Variants in VIRMA observed in about 807,000 individuals in gnomAD.
VIRMA encodes protein virilizer homolog.
In VIRMA, 65 loss-of-function variants were observed where a neutral mutation model predicts 182.4. The ratio of observed to expected loss-of-function variants is 0.36; its 90% confidence interval spans 0.29 to 0.44. VIRMA has a LOEUF of 0.44. VIRMA is among the 20% of genes least tolerant of loss of function. The probability of loss-of-function intolerance (pLI) is 1.00; values close to 1 mark genes in which losing one functional copy is unlikely to be tolerated. For synonymous variants in VIRMA, 709 were observed against 743.1 expected (o/e 0.95, Z 0.75); for missense variants, 1,752 against 2,158.1 (o/e 0.81, Z 3.73).
At chr8:94,495,924 C>G (rs370520816) in intron 18 of VIRMA, 33 bp from the exon 19 acceptor site, 9 of 1,591,714 alleles carry the variant, frequency 5.7e-6, no homozygotes, top group Non-Finnish European at 7.7e-6. Context: ...TAAGAAGGTG[C>G]AGGTAAAACT....
chr8:94,551,987 T>C (rs528849247), intron 1 of VIRMA, among the ~76,000 whole-genome samples: 1 of 152,190 alleles, frequency 6.6e-6, no homozygotes, highest in East Asian at 1.9e-4. Flanking sequence ...TCCCAAAACG[T>C]TGAGATTACA....
rs777887809 is a variant in VIRMA, at chr8:94,496,405, C to T, written c.4306G>A (p.Ala1436Thr). The T allele has an allele frequency of 6.2e-7, 1 of 1,613,460 alleles. No homozygotes were observed. The change falls in exon 18 of 24, where the codon GCA becomes ACA. Residue 1436 changes from alanine (A) to threonine (T), a missense_variant. Physicochemically the swap from Ala to Thr is moderately conservative, Grantham distance 58. Transcript: ENST00000297591. Reference protein sequence around the residue: ...HTSRTMSINAAELKQLLQSKE... With the variant: ...HTSRTMSINATELKQLLQSKE... ...CTTTGTAGAAGCTGTTTTAACTCTGCAGCATTAATACTCATCGTCCGTGAT... is the reference window on the plus strand; with the variant it reads ...CTTTGTAGAAGCTGTTTTAACTCTGTAGCATTAATACTCATCGTCCGTGAT...
intron 15 of VIRMA, among the ~76,000 whole-genome samples, chr8:94,509,341 G>A (rs896479336): frequency 1.3e-5 from 2 of 151,638 alleles, no homozygotes; most frequent in Non-Finnish European, 2.9e-5. Context: ...GGCAGAGGCT[G>A]CAGTGAGCTG....
chr8:94,519,865 C>T (rs1255048634), intron 8 of VIRMA, among the ~76,000 whole-genome samples: 3 of 152,020 alleles, frequency 2.0e-5, no homozygotes, highest in Non-Finnish European at 2.9e-5. Flanking sequence ...GTCAGCACTC[C>T]GCATCTGCAT....
intron 2 of VIRMA, among the ~76,000 whole-genome samples, chr8:94,541,118 ATTG>A (rs780974572): frequency 7.3e-5 from 11 of 150,320 alleles, no homozygotes; most frequent in Non-Finnish European, 1.0e-4. Context: ...TATAATTATT[ATTG>A]TTATTACTTT....
At chr8:94,544,464 A>G (rs780867568) in intron 1 of VIRMA, among the ~76,000 whole-genome samples, 1 of 151,812 alleles carries the variant, frequency 6.6e-6, no homozygotes, top group Non-Finnish European at 1.5e-5. Context: ...CGAGGTCAGG[A>G]GATTGAGACC....
chr8:94,504,162 A>G (rs1335468243), intron 16 of VIRMA, among the ~76,000 whole-genome samples: 1 of 151,798 alleles, frequency 6.6e-6, no homozygotes, highest in African/African-American at 2.4e-5. Flanking sequence ...CGATAGAGCA[A>G]GACTCCATCT....
rs890075505 is a variant in VIRMA, at chr8:94,506,496, T to C, written c.4097+4A>G. On this transcript the variant is annotated splice_donor_region_variant and intron_variant, in intron 16 of 23. Transcript: ENST00000297591. ...AGAGTATATTAAATTAGACAAATCA[T>C]TACCTTTTTAAATGAAATAATCCAT... 27 of 1,577,876 alleles carry C rather than the reference T, an allele frequency of 1.7e-5. No individual in the cohort carries two copies. The highest frequency in any genetic ancestry group is 2.2e-5 in the Non-Finnish European group (25 of 1,150,428).
rs189502005 is a variant in VIRMA, at chr8:94,517,754, T to C, written c.2668+34A>G. The C allele has an allele frequency of 1.7e-4, 249 of 1,489,740 alleles. 3 individuals are homozygous for C. The East Asian group carries it at 4.0e-3, about 24-fold the overall frequency. The allele number at this position is 1,489,740 out of a possible 1,614,324, so 92.3% of individuals were successfully genotyped here. ...ATTCAAAGGTTTGTTCCTTCACATA[T>C]TACAAATGCTTAAAATAACTTTAAG... On this transcript the variant is annotated intron_variant, in intron 10 of 23. Transcript: ENST00000297591.
Position 94,552,472 on chromosome 8 carries a change from G to A in VIRMA, c.63+913C>T, listed in dbSNP as rs945009887. 4.6e-5 allele frequency among the ~76,000 whole-genome samples: 7 copies of A among 151,832 alleles called. No homozygotes were observed. The East Asian group carries it at 9.7e-4, about 21-fold the overall frequency. On this transcript the variant is annotated intron_variant, in intron 1 of 23. Coordinates refer to ENST00000297591, the MANE Select transcript of VIRMA (RefSeq NM_015496.5). ...TGTCCTCAAAAAGCTTGATACAAGA[G>A]CACACTTGATAAAAATAAAAGGAAA...
chr8:94,543,678 T>C (rs1168548897), intron 2 of VIRMA, 149 bp downstream of exon 2: 5 of 531,656 alleles, frequency 9.4e-6, no homozygotes, highest in Non-Finnish European at 1.0e-5. Flanking sequence ...ACAGAAAATA[T>C]AGAGCCAATT....
At chr8:94,511,870 CTTTAA>C (rs1036833579) in intron 12 of VIRMA, 121 bp downstream of exon 12, 55 of 666,484 alleles carry the variant, frequency 8.3e-5, no homozygotes, top group African/African-American at 4.9e-4. Context: ...TATTTAATTA[CTTTAA>C]TTTAAAATGA....
At position 94,495,737 on chromosome 8, in the gene VIRMA, T is replaced by C. The variant is rs1813751778; in HGVS notation, c.4538A>G (p.Asn1513Ser). Residue 1513 changes from asparagine (N) to serine (S), a missense_variant, in exon 19 of 24, where the codon AAC becomes AGC. Coordinates refer to ENST00000297591, the MANE Select transcript of VIRMA (RefSeq NM_015496.5). ...SAPESLQNLF[N>S]NRTAYVLADV... ...AAAACATTGTGTATTTTACCTATTGTTAAACAGATTCTGAAGAGATTCTGG... is the reference window on the plus strand; with the variant it reads ...AAAACATTGTGTATTTTACCTATTGCTAAACAGATTCTGAAGAGATTCTGG... 4 of 1,612,864 alleles carry C rather than the reference T, an allele frequency of 2.5e-6. No homozygotes were observed. The highest frequency in any genetic ancestry group is 3.4e-6 in the Non-Finnish European group (4 of 1,179,538).
rs10087221 is a variant in VIRMA at position 94,514,850 on chromosome 8, T to G, written c.2751+19A>C. The G allele has an allele frequency of 0.043, 59,357 of 1,375,250 alleles. 1,481 individuals are homozygous for G. The highest frequency in any genetic ancestry group is 0.048 in the Non-Finnish European group (47,558 of 981,568). The allele number at this position is 1,375,250 out of a possible 1,614,324, so 85.2% of individuals were successfully genotyped here. On this transcript the variant is annotated intron_variant, in intron 11 of 23. Coordinates refer to ENST00000297591, the MANE Select transcript of VIRMA (RefSeq NM_015496.5). ...ACACAGTTTCAAAAAGTCAAAGCAC[T>G]TTTAAGTTTTACACTTACCTGCTTA...
intron 11 of VIRMA, among the ~76,000 whole-genome samples, chr8:94,512,811 A>G (rs1211746672): frequency 1.3e-5 from 2 of 152,152 alleles, no homozygotes; most frequent in Non-Finnish European, 2.9e-5. Flanking sequence ...TTTGAGTACT[A>G]AACTTCATTC....
Position 94,527,054 on chromosome 8 carries a change from C to A in VIRMA, c.1190G>T (p.Gly397Val). ...ELLDLYREDR[G>V]AKWVTALEEI... ...TTCTAAAGCTGTTACCCATTTTGCA[C>A]CTCTATCTTCTCTATACAAATCTAA... Residue 397 changes from glycine (G) to valine (V), a missense_variant, in exon 8 of 24, where the codon GGT (glycine) becomes GTT (valine). Transcript: ENST00000297591. 6.2e-7 allele frequency: 1 copy of A among 1,614,144 alleles called. No homozygotes were observed. The highest frequency in any genetic ancestry group is 8.5e-7 in the Non-Finnish European group (1 of 1,180,010).
At chr8:94,548,661 A>G (rs899633586) in intron 1 of VIRMA, among the ~76,000 whole-genome samples, 1 of 144,450 alleles carries the variant, frequency 6.9e-6, no homozygotes, top group African/African-American at 2.9e-5. Context: ...TTTATTATTT[A>G]TTTATTTATT....
intron 1 of VIRMA, among the ~76,000 whole-genome samples, chr8:94,549,563 T>C (rs564679247): frequency 1.3e-5 from 2 of 152,354 alleles, no homozygotes; most frequent in Non-Finnish European, 2.9e-5. Flanking sequence ...CATTTTTAAC[T>C]ACCCTATCTC....
At position 94,553,438 on chromosome 8, in the gene VIRMA, C is replaced by G. The variant is rs1417202960; in HGVS notation, c.10G>C (p.Asp4His). ...AAAAATAACAGCTCCATCGCCGAGT[C>G]CACCGCCATGTTTGCCGCGGGCGGG... MAV[D>H]SAMELLFLDT... The change falls in exon 1 of 24, where the codon GAC (aspartate) becomes CAC (histidine). Residue 4 changes from aspartate to histidine, a missense_variant. Asp to His is a moderately conservative substitution (Grantham distance 81, BLOSUM62 -1). This residue lies in a region of VIRMA where 195 missense variants were observed against 191.7 expected (regional missense o/e 1.02). Coordinates refer to ENST00000297591, the MANE Select transcript of VIRMA (RefSeq NM_015496.5). 1 of 1,614,214 alleles carries G rather than the reference C, an allele frequency of 6.2e-7. No homozygotes were observed. Among genetic ancestry groups the G allele is most frequent in the Non-Finnish European group, 8.5e-7 (1 of 1,180,032 alleles).
Sources: allele counts gnomAD v4.1 joint callset (sites outside exome capture counted in the v4.1 genomes callset), GRCh38; gene constraint gnomAD v4.1.1; regional missense constraint gnomAD v4.1.1; transcripts MANE v1.5; gene names NCBI Gene and HGNC (gene_info 2026-07-23, HGNC 2026-07-21).